Variants in SSBP3 observed in about 807,000 individuals in gnomAD.
The protein encoded by SSBP3 is single-stranded DNA-binding protein 3.
Under a neutral mutation model 69.6 loss-of-function variants are expected in SSBP3, and 5 were observed. The ratio of observed to expected loss-of-function variants is 0.07; its 90% CI spans 0.04 to 0.15. SSBP3 has a LOEUF of 0.15. Among genes scored for constraint, SSBP3 ranks in the 10% least tolerant of loss-of-function variants. SSBP3 has a pLI of 1.00. For missense variants in SSBP3, 312 were observed against 534.0 expected, an observed-to-expected ratio of 0.58 and a Z score of 4.10; for synonymous variants, 196 against 193.4, an observed-to-expected ratio of 1.01 and a Z score of -0.11.
chr1:54,296,583 G>A (rs1645707523), intron 4 of SSBP3, among the ~76,000 whole-genome samples: 2 of 152,202 alleles, frequency 1.3e-5, no homozygotes, highest in Admixed American at 1.3e-4. Context: ...GGTGGCAAAG[G>A]TCTGGAATCC....
At chr1:54,275,773 G>A (rs1645273186) in intron 5 of SSBP3, among the ~76,000 whole-genome samples, 1 of 152,184 alleles carries the variant, frequency 6.6e-6, no homozygotes, top group East Asian at 1.9e-4. Context: ...ATGTGGGGCT[G>A]AGAGCTCACA....
intron 4 of SSBP3, among the ~76,000 whole-genome samples, chr1:54,337,532 CTG>C (rs1347679290): frequency 3.0e-5 from 3 of 99,632 alleles, no homozygotes; most frequent in African/African-American, 1.3e-4. Context: ...GAGTCTCAGT[CTG>C]TTGCCCAGGC....
intron 4 of SSBP3, among the ~76,000 whole-genome samples, chr1:54,308,400 G>A (rs1287978117): frequency 6.6e-6 from 1 of 152,018 alleles, no homozygotes; most frequent in African/African-American, 2.4e-5. Flanking sequence ...AGGAGATCGA[G>A]ACCATCCTGG....
At chr1:54,364,961 C>T (rs370531634) in intron 4 of SSBP3, among the ~76,000 whole-genome samples, 75 of 152,286 alleles carry the variant, frequency 4.9e-4, no homozygotes, top group African/African-American at 1.8e-3. Context: ...AAGGAATGCC[C>T]AGCACTTCCC....
chr1:54,343,961 G>T (rs1056490598), intron 4 of SSBP3, among the ~76,000 whole-genome samples: 6 of 152,188 alleles, frequency 3.9e-5, no homozygotes, highest in Admixed American at 2.0e-4. Flanking sequence ...AACTGAGGAA[G>T]AGTAGTCTGT....
At chr1:54,273,219 A>G (rs961635259) in intron 5 of SSBP3, among the ~76,000 whole-genome samples, 4 of 152,180 alleles carry the variant, frequency 2.6e-5, no homozygotes, top group African/African-American at 9.7e-5. Flanking sequence ...TCAACTTTCC[A>G]TTTCATCAGT....
At chr1:54,291,500 G>A (rs1569649106) in intron 4 of SSBP3, among the ~76,000 whole-genome samples, 1 of 152,240 alleles carries the variant, frequency 6.6e-6, no homozygotes, top group Non-Finnish European at 1.5e-5. Context: ...ACACGGGTTC[G>A]GCGCTGAGCA....
intron 5 of SSBP3, among the ~76,000 whole-genome samples, chr1:54,275,584 T>G (rs1388944348): frequency 6.6e-6 from 1 of 152,206 alleles, no homozygotes; most frequent in African/African-American, 2.4e-5. Context: ...ACCCTCCCTG[T>G]GAACACATCA....
chr1:54,233,334 CG>C (rs1644418414), intron 14 of SSBP3, among the ~76,000 whole-genome samples: 1 of 145,442 alleles, frequency 6.9e-6, no homozygotes, highest in Non-Finnish European at 1.5e-5. Context: ...AGGTGAGGAG[CG>C]TCTCTGCCCG....
chr1:54,229,455 A>G (rs1396646902), intron 14 of SSBP3, among the ~76,000 whole-genome samples: 1 of 151,984 alleles, frequency 6.6e-6, no homozygotes, highest in African/African-American at 2.4e-5. Flanking sequence ...TGGGGAAGAG[A>G]GAGCTAGGGC....
intron 4 of SSBP3, among the ~76,000 whole-genome samples, chr1:54,384,811 A>C (rs1323916174): frequency 2.0e-5 from 3 of 152,070 alleles, no homozygotes; most frequent in African/African-American, 7.2e-5. Context: ...AGTCCCTCTA[A>C]ATTTTTTTTT....
intron 3 of SSBP3, among the ~76,000 whole-genome samples, chr1:54,403,033 G>C (rs1028651306): frequency 2.0e-5 from 3 of 152,180 alleles, no homozygotes; most frequent in African/African-American, 7.2e-5. Context: ...GAATAATGCA[G>C]CCTGCCCCTC....
At chr1:54,402,445 G>T (rs1346700120) in intron 3 of SSBP3, among the ~76,000 whole-genome samples, 1 of 152,116 alleles carries the variant, frequency 6.6e-6, no homozygotes, top group Non-Finnish European at 1.5e-5. Flanking sequence ...TATATGCCGC[G>T]ATTTGGAAGA....
chr1:54,345,724 C>T (rs992987222), intron 4 of SSBP3, among the ~76,000 whole-genome samples: 1 of 152,144 alleles, frequency 6.6e-6, no homozygotes, highest in African/African-American at 2.4e-5. Context: ...CAGAAGATTA[C>T]TGTACTGAGG....
chr1:54,396,193 GAAAAAAA>G (rs59276509), intron 4 of SSBP3, among the ~76,000 whole-genome samples: 60 of 40,578 alleles, frequency 1.5e-3, no homozygotes, highest in Admixed American at 0.012. Flanking sequence ...CTCCATCTCA[GAAAAAAA>G]AAAAAAAAAA....
intron 3 of SSBP3, among the ~76,000 whole-genome samples, chr1:54,402,733 C>A (rs558467559): frequency 2.6e-5 from 4 of 152,242 alleles, no homozygotes; most frequent in Middle Eastern, 3.4e-3. Context: ...CCTGCCTCAC[C>A]CCCCACTAAA....
intron 11 of SSBP3, 48 bp from the exon 12 acceptor site, chr1:54,241,557 C>T (rs1213120325): frequency 6.2e-7 from 1 of 1,602,288 alleles, no homozygotes; most frequent in Admixed American, 1.7e-5. Flanking sequence ...ACTGAGTGCC[C>T]TCAGCTGCCA....
rs2100661095 is a variant in SSBP3 at position 54,367,910 on chromosome 1, C to T, written c.276+33951G>A. Among the ~76,000 whole-genome samples the T allele has an allele frequency of 5.3e-5, 8 of 152,282 alleles. No homozygotes were observed. In the South Asian group the frequency reaches 1.7e-3, roughly 32 times the overall value. On this transcript the variant is annotated intron_variant, in intron 4 of 17. Transcript: ENST00000610401. ...GAGAAAGCTGAAAAGAATCTTAATG[C>T]AAAAGAATTCTTAACTGGAAAACTG...
chr1:54,326,960 AGGT>A (rs560705709), intron 4 of SSBP3, among the ~76,000 whole-genome samples: 1 of 150,194 alleles, frequency 6.7e-6, no homozygotes, highest in Admixed American at 6.6e-5. Flanking sequence ...GCCAAGGAGA[AGGT>A]GGTGGTGGTG....
Sources: gnomAD v4.1 joint callset for allele counts (sites outside exome capture counted in the v4.1 genomes callset) on GRCh38, gnomAD v4.1.1 for gene constraint, MANE v1.5 for transcripts, NCBI Gene and HGNC (gene_info 2026-07-23, HGNC 2026-07-21) for gene names.